Variants in SKAP2 observed in about 807,000 individuals in gnomAD.
SKAP2 encodes the protein src kinase-associated phosphoprotein 2.
Under a neutral mutation model 54.9 loss-of-function variants are expected in SKAP2, and 28 were observed. That is an observed-to-expected ratio of 0.51 (90% CI 0.38 to 0.70). The LOEUF is 0.70. SKAP2 is among the 30% of genes least tolerant of loss of function. SKAP2 has a pLI of 0.00. For synonymous variants in SKAP2, 137 were observed against 134.3 expected (o/e 1.02, Z -0.14); for missense variants, 356 against 424.1 (o/e 0.84, Z 1.41).
chr7:26,724,852 G>T (rs1219489843), intron 9 of SKAP2, among the ~76,000 whole-genome samples: 1 of 152,104 alleles, frequency 6.6e-6, no homozygotes, highest in Non-Finnish European at 1.5e-5. Context: ...ACTAAACTAG[G>T]TCTGAGCATT....
intron 9 of SKAP2, among the ~76,000 whole-genome samples, chr7:26,716,667 T>A (rs910488983): frequency 6.6e-6 from 1 of 152,230 alleles, no homozygotes; most frequent in African/African-American, 2.4e-5. Flanking sequence ...TGTGTTTACA[T>A]TGTTTTACGT....
intron 11 of SKAP2, among the ~76,000 whole-genome samples, chr7:26,677,160 G>A (rs1786367047): frequency 6.6e-6 from 1 of 152,164 alleles, no homozygotes; most frequent in Non-Finnish European, 1.5e-5. Flanking sequence ...GGAGGCCGAG[G>A]CGGGAGGATC....
chr7:26,854,671 A>G (rs1029682443), intron 2 of SKAP2, 114 bp downstream of exon 2: 2 of 1,050,248 alleles, frequency 1.9e-6, no homozygotes, highest in African/African-American at 3.2e-5. Context: ...ACTTAACATC[A>G]GTTAAACTGG....
At chr7:26,786,792 C>A (rs930271600) in intron 4 of SKAP2, among the ~76,000 whole-genome samples, 1 of 151,966 alleles carries the variant, frequency 6.6e-6, no homozygotes, top group Non-Finnish European at 1.5e-5. Context: ...TCTTTTTTTT[C>A]TGAACATATA....
the SKAP2 span, among the ~76,000 whole-genome samples, chr7:26,656,127 G>A: frequency 6.6e-6 from 1 of 152,166 alleles, no homozygotes; most frequent in Non-Finnish European, 1.5e-5. Flanking sequence ...CCTTTGCTCA[G>A]TGTAAATGCC....
At chr7:26,711,616 G>T (rs184873892) in intron 9 of SKAP2, among the ~76,000 whole-genome samples, 63 of 152,222 alleles carry the variant, frequency 4.1e-4, no homozygotes, top group Non-Finnish European at 7.8e-4. Flanking sequence ...AGTTCAGTCT[G>T]TCTGGAGCAT....
chr7:26,674,613 T>C (rs897850416), intron 11 of SKAP2, among the ~76,000 whole-genome samples: 10 of 152,212 alleles, frequency 6.6e-5, no homozygotes, highest in African/African-American at 2.2e-4. Context: ...ACCTCCATGA[T>C]GTTTGAGCAC....
intron 9 of SKAP2, among the ~76,000 whole-genome samples, chr7:26,709,047 A>G (rs993053051): frequency 1.3e-5 from 2 of 152,212 alleles, no homozygotes; most frequent in Admixed American, 1.3e-4. Context: ...AAAGTATAAA[A>G]TAAAAACCTA....
intron 4 of SKAP2, among the ~76,000 whole-genome samples, chr7:26,757,248 A>G (rs1008966409): frequency 2.6e-5 from 4 of 152,152 alleles, no homozygotes; most frequent in Non-Finnish European, 5.9e-5. Context: ...GTCCTTGCCC[A>G]TGCCTATGTC....
At chr7:26,657,975 G>C in the SKAP2 span, among the ~76,000 whole-genome samples, 2 of 152,102 alleles carry the variant, frequency 1.3e-5, no homozygotes, top group East Asian at 3.9e-4. Flanking sequence ...AGCTATTGCG[G>C]TCTTCCCAAA....
chr7:26,864,207 AC>A (rs964110115), intron 1 of SKAP2, among the ~76,000 whole-genome samples, 155 bp downstream of exon 1: 2 of 151,130 alleles, frequency 1.3e-5, no homozygotes, highest in Non-Finnish European at 3.0e-5. Context: ...AGACAAAACA[AC>A]CCCTCTCCTC....
chr7:26,816,379 T>C (rs1459762695), intron 4 of SKAP2, among the ~76,000 whole-genome samples: 1 of 152,122 alleles, frequency 6.6e-6, no homozygotes, highest in Non-Finnish European at 1.5e-5. Context: ...CTATCACTTA[T>C]GAATACATAC....
intron 1 of SKAP2, chr7:26,857,701 G>C (rs1266999988): frequency 1.0e-6 from 1 of 985,330 alleles, no homozygotes; most frequent in Non-Finnish European, 1.2e-6. Flanking sequence ...CCGGGTCTGG[G>C]GCAGAGCCCT....
At chr7:26,659,667 T>C in the SKAP2 span, among the ~76,000 whole-genome samples, 3 of 152,090 alleles carry the variant, frequency 2.0e-5, no homozygotes, top group Non-Finnish European at 4.4e-5. Context: ...CATACAGTAT[T>C]AGGATTCAAA....
At chr7:26,785,119 T>C (rs559319763) in intron 4 of SKAP2, among the ~76,000 whole-genome samples, 14 of 152,194 alleles carry the variant, frequency 9.2e-5, no homozygotes, top group Non-Finnish European at 1.5e-4. Flanking sequence ...AAAAACCTAC[T>C]AAACTCTTTC....
chr7:26,684,730 T>C lies in SKAP2; in HGVS notation c.987+6A>G, dbSNP rs748436878. The C allele has an allele frequency of 6.3e-7, 1 of 1,584,214 alleles. No homozygotes were observed. Among genetic ancestry groups the C allele is most frequent in the Non-Finnish European group, 8.7e-7 (1 of 1,153,442 alleles). On this transcript the variant is annotated splice_donor_region_variant and intron_variant, in intron 11 of 12. Transcript: ENST00000345317. ...TTACAAACGTCATTTTGGGGTATCTTCTTACCTTGCTAAGAATGTAAATCA... is the reference window on the plus strand; with the variant it reads ...TTACAAACGTCATTTTGGGGTATCTCCTTACCTTGCTAAGAATGTAAATCA...
intron 7 of SKAP2, 159 bp downstream of exon 7, chr7:26,726,723 T>C: frequency 1.9e-6 from 1 of 537,490 alleles, no homozygotes; most frequent in African/African-American, 2.0e-5. Context: ...TTTTAAAAAT[T>C]TCCTCTTATA....
chr7:26,731,689 C>T (rs1787827623), intron 6 of SKAP2, among the ~76,000 whole-genome samples: 1 of 152,290 alleles, frequency 6.6e-6, no homozygotes, highest in Admixed American at 6.5e-5. Flanking sequence ...ACTCCCAACA[C>T]TTGTGATGCC....
chr7:26,754,300 G>A (rs1361892015), intron 4 of SKAP2, among the ~76,000 whole-genome samples: 1 of 150,698 alleles, frequency 6.6e-6, no homozygotes. Context: ...GGAGGCAGAC[G>A]TTGCAGCAAG....
Sources: allele counts gnomAD v4.1 joint callset (sites outside exome capture counted in the v4.1 genomes callset), GRCh38; gene constraint gnomAD v4.1.1; transcripts MANE v1.5; gene names NCBI Gene and HGNC (gene_info 2026-07-23, HGNC 2026-07-21).